Variants in ZBTB20 observed in about 807,000 individuals in gnomAD.
The protein encoded by ZBTB20 is zinc finger and BTB domain-containing protein 20.
ZBTB20 carries 9 observed loss-of-function variants against 56.9 expected under a neutral mutation model. The observed-to-expected ratio is 0.16, with a 90% CI of 0.10 to 0.28. The LOEUF (loss-of-function observed/expected upper bound fraction) is 0.28, where lower values mean the gene tolerates loss of function less well. Ranked by LOEUF, ZBTB20 falls within the 10% of genes least tolerant of loss-of-function variation. The pLI is 1.00. For synonymous variants in ZBTB20, 417 were observed against 420.7 expected, an observed-to-expected ratio of 0.99 and a Z score of 0.11; for missense variants, 655 against 1,003.0, an observed-to-expected ratio of 0.65 and a Z score of 4.69.
intron 5 of ZBTB20, among the ~76,000 whole-genome samples, chr3:114,779,963 T>C (rs2069949327): frequency 6.6e-6 from 1 of 152,216 alleles, no homozygotes; most frequent in Non-Finnish European, 1.5e-5. Context: ...ACAGGCAAAT[T>C]ACATACACAA....
chr3:115,016,257 C>T (rs1367122671), intron 2 of ZBTB20, among the ~76,000 whole-genome samples: 1 of 151,876 alleles, frequency 6.6e-6, no homozygotes, highest in Non-Finnish European at 1.5e-5. Flanking sequence ...TTCTCTCATT[C>T]TGTAGGTTGT....
intron 6 of ZBTB20, among the ~76,000 whole-genome samples, chr3:114,569,529 T>A (rs1360771100): frequency 6.6e-6 from 1 of 152,206 alleles, no homozygotes; most frequent in Non-Finnish European, 1.5e-5. Context: ...TGACCGCAGA[T>A]CAGTCAGGTC....
chr3:115,063,111 G>A (rs1030141118), intron 2 of ZBTB20, among the ~76,000 whole-genome samples: 3 of 152,018 alleles, frequency 2.0e-5, no homozygotes, highest in Admixed American at 6.6e-5. Flanking sequence ...AACAGCATGC[G>A]AAAACCCCTT....
chr3:114,810,572 A>G (rs980666086), intron 4 of ZBTB20, among the ~76,000 whole-genome samples: 1 of 152,206 alleles, frequency 6.6e-6, no homozygotes, highest in Admixed American at 6.5e-5. Context: ...ACTCCCGGCT[A>G]AAACACTGTG....
chr3:114,962,411 A>T (rs1349070341), intron 3 of ZBTB20, among the ~76,000 whole-genome samples: 1 of 152,130 alleles, frequency 6.6e-6, no homozygotes. Flanking sequence ...AAAACAAGTA[A>T]TAAGATAACA....
intron 6 of ZBTB20, among the ~76,000 whole-genome samples, chr3:114,619,896 T>A (rs981713414): frequency 6.6e-6 from 1 of 152,204 alleles, no homozygotes; most frequent in Admixed American, 6.5e-5. Flanking sequence ...TCACAGGGCA[T>A]CCATAGCCAG....
intron 11 of ZBTB20, among the ~76,000 whole-genome samples, chr3:114,341,632 C>A (rs748809527): frequency 9.2e-5 from 14 of 152,174 alleles, no homozygotes; most frequent in Non-Finnish European, 1.9e-4. Flanking sequence ...TAAATTGATT[C>A]CTCATAGTTG....
At chr3:114,418,000 C>T (rs764414937) in intron 7 of ZBTB20, among the ~76,000 whole-genome samples, 2 of 152,004 alleles carry the variant, frequency 1.3e-5, no homozygotes, top group Admixed American at 6.6e-5. Context: ...AATCAAGGTA[C>T]GCCCACCTTG....
rs552260566 is a variant in ZBTB20, at chr3:114,583,987, T to C, written c.-294-83596A>G. ...ACATCTTTGGGTCTCAAAATTCACA[T>C]ACATTCACATTTCTAAAGTGAGTGT... is the stretch of plus-strand genomic sequence containing the variant. On this transcript the variant is annotated intron_variant, in intron 6 of 11. Coordinates refer to ENST00000675478, the MANE Select transcript of ZBTB20 (RefSeq NM_001348800.3). Among the ~76,000 whole-genome samples the C allele has an allele frequency of 1.5e-4, 23 of 152,326 alleles. 1 individual carries two copies. The South Asian group carries it at 3.9e-3, about 26-fold the overall frequency.
At chr3:114,788,271 C>G (rs2070701344) in intron 5 of ZBTB20, among the ~76,000 whole-genome samples, 1 of 152,110 alleles carries the variant, frequency 6.6e-6, no homozygotes, top group African/African-American at 2.4e-5. Flanking sequence ...TATACTCACA[C>G]TGTTATGCAA....
At chr3:114,671,034 A>C (rs1022212891) in intron 6 of ZBTB20, among the ~76,000 whole-genome samples, 2 of 152,094 alleles carry the variant, frequency 1.3e-5, no homozygotes, top group Non-Finnish European at 2.9e-5. Context: ...GTATTTGTTG[A>C]CCTACATTAT....
chr3:115,097,356 T>G (rs575231999), intron 1 of ZBTB20, among the ~76,000 whole-genome samples: 111 of 151,976 alleles, frequency 7.3e-4, no homozygotes, highest in Middle Eastern at 3.4e-3. Context: ...TTTTTGTATT[T>G]TTTTTTTAGT....
In ZBTB20 at chr3:115,024,875, G is replaced by A. The variant is rs146216176; in HGVS notation, c.-507+46344C>T. Among the ~76,000 whole-genome samples the A allele has an allele frequency of 9.4e-3, 1,427 of 151,072 alleles. 22 individuals are homozygous for A. The highest frequency in any genetic ancestry group is 0.032 in the African/African-American group (1,323 of 41,392). ...ATTGTTGTTAGTAGTAGTAGTTACC[G>A]CTAGTAACTACTGTTACTAAAATAG... On this transcript the variant is annotated intron_variant, in intron 2 of 11. Transcript: ENST00000675478.
chr3:114,480,851 T>C (rs1330895721), intron 7 of ZBTB20, among the ~76,000 whole-genome samples: 2 of 152,152 alleles, frequency 1.3e-5, no homozygotes, highest in Non-Finnish European at 2.9e-5. Context: ...TCAATGTCTT[T>C]ACTGTTTTCT....
In ZBTB20 at chr3:114,319,255, C is replaced by G. The variant is rs1287832814; in HGVS notation, c.*19750G>C. On this transcript the variant is annotated 3_prime_UTR_variant, in exon 12 of 12. Transcript: ENST00000675478. The stretch of plus-strand genomic sequence containing the variant: ...ATATTACACAACAAAAATATGTATC[C>G]TTCCTTTCCAAAAAAGATTCTTCAC... 6.6e-6 allele frequency: 1 copy of G among 151,542 alleles called. No homozygotes were observed. Among genetic ancestry groups the G allele is most frequent in the Non-Finnish European group, 1.5e-5 (1 of 67,928 alleles). 9.4% of individuals were successfully genotyped at this position (151,542 alleles called of 1,614,324 possible).
At chr3:114,477,601 T>G (rs939716158) in intron 7 of ZBTB20, among the ~76,000 whole-genome samples, 5 of 150,748 alleles carry the variant, frequency 3.3e-5, no homozygotes, top group South Asian at 4.2e-4. Flanking sequence ...GTTCAAGCGA[T>G]TCTCCTGCCT....
intron 6 of ZBTB20, among the ~76,000 whole-genome samples, chr3:114,607,709 ACCCAGAAC>A (rs564013384): frequency 6.6e-6 from 1 of 152,348 alleles, no homozygotes; most frequent in South Asian, 2.1e-4. Context: ...GCTTCTGGCA[ACCCAGAAC>A]CAGAAAATAA....
chr3:114,556,775 A>T (rs2051280302), intron 6 of ZBTB20, among the ~76,000 whole-genome samples: 2 of 152,032 alleles, frequency 1.3e-5, no homozygotes, highest in Non-Finnish European at 2.9e-5. Flanking sequence ...CTTTCCTGAG[A>T]AGAGAAATTT....
chr3:114,564,854 C>G (rs1017792629), intron 6 of ZBTB20, among the ~76,000 whole-genome samples: 1 of 152,194 alleles, frequency 6.6e-6, no homozygotes, highest in Non-Finnish European at 1.5e-5. Flanking sequence ...ATAACACCAG[C>G]GTTGCAGGTG....
Sources: gnomAD v4.1 joint callset for allele counts (sites outside exome capture counted in the v4.1 genomes callset) on GRCh38, gnomAD v4.1.1 for gene constraint, MANE v1.5 for transcripts, NCBI Gene and HGNC (gene_info 2026-07-23, HGNC 2026-07-21) for gene names.